The following CLTB variants were observed in gnomAD, a reference collection of about 807,000 sequenced individuals.
CLTB encodes the protein clathrin, light chain (Lcb).
CLTB carries 10 observed loss-of-function variants against 30.5 expected under a neutral mutation model. That is an observed-to-expected ratio of 0.33 (90% CI 0.20 to 0.56). CLTB has a LOEUF of 0.56. Among genes scored for constraint, CLTB ranks in the 20% least tolerant of loss-of-function variants. The pLI is 0.91. For missense variants in CLTB, 261 were observed against 308.3 expected (o/e 0.85, Z 1.15); for synonymous variants, 102 against 120.3 (o/e 0.85, Z 1.00).
chr5:176,410,141 G>A, intron 2 of CLTB, 116 bp downstream of exon 2: 1 of 877,672 alleles, frequency 1.1e-6, no homozygotes, highest in East Asian at 2.5e-5. Flanking sequence ...CCACCCCAAT[G>A]CATCAGACAT....
chr5:176,396,030 G>A (rs1756505561), intron 5 of CLTB, among the ~76,000 whole-genome samples: 1 of 152,162 alleles, frequency 6.6e-6, no homozygotes. Flanking sequence ...AGCTACTCGG[G>A]AGGCTGAGGC....
rs752628391 is a variant in CLTB, at chr5:176,405,334, TA to T, written c.234+4922del. ...CGAGACCACATCTCCATAAAAAAAT[TA>T]AAAAATTAGCCAGGCATGGTGGCCC... On this transcript the variant is annotated intron_variant, in intron 2 of 5. Coordinates refer to ENST00000310418, the MANE Select transcript of CLTB (RefSeq NM_007097.5). 8.0e-5 allele frequency among the ~76,000 whole-genome samples: 12 copies of T among 150,700 alleles called. No individual in the cohort carries two copies. The East Asian group carries it at 1.8e-3, about 22-fold the overall frequency.
chr5:176,399,092 C>T (rs1405959515), intron 2 of CLTB, among the ~76,000 whole-genome samples: 1 of 152,140 alleles, frequency 6.6e-6, no homozygotes, highest in Non-Finnish European at 1.5e-5. Context: ...GATCCACCGG[C>T]CTCGGCCTCC....
rs1756782457 is a variant in CLTB, at chr5:176,400,855, CA to C, written c.235-2809del. Among the ~76,000 whole-genome samples, 2 of 152,318 alleles carry C rather than the reference CA, an allele frequency of 1.3e-5. 1 individual carries two copies. Among genetic ancestry groups the C allele is most frequent in the African/African-American group, 4.8e-5 (2 of 41,564 alleles). ...GCTCAGTAAGCAGTGGCTGAATGAG[CA>C]AAGACCCCTGGAGCCAGCAGGCACC... On this transcript the variant is annotated intron_variant, in intron 2 of 5. Transcript: ENST00000310418.
Position 176,392,991 on chromosome 5 carries a change from C to A in CLTB, c.519-46G>T. On this transcript the variant is annotated intron_variant, in intron 5 of 5. Coordinates refer to ENST00000310418, the MANE Select transcript of CLTB (RefSeq NM_007097.5). The surrounding 1 kb of genome is among the most constrained non-coding windows in gnomAD (Gnocchi z 5.2). ...GGCTTTTATAGCAGTCTGCTTTCCC[C>A]CAGCCTTGCCCTTGAGCAAGGCTGC... is the stretch of plus-strand genomic sequence containing the variant. 2 of 1,609,038 alleles carry A rather than the reference C, an allele frequency of 1.2e-6. No homozygotes were observed. The highest frequency in any genetic ancestry group is 2.2e-5 in the South Asian group (2 of 90,906).
intron 1 of CLTB, among the ~76,000 whole-genome samples, chr5:176,411,495 C>T (rs1313376095): frequency 6.6e-6 from 1 of 152,186 alleles, no homozygotes; most frequent in Non-Finnish European, 1.5e-5. Flanking sequence ...TAAAGGCCTC[C>T]CTGACCACAC....
intron 2 of CLTB, among the ~76,000 whole-genome samples, chr5:176,404,878 C>A (rs1757028811): frequency 6.6e-6 from 1 of 152,226 alleles, no homozygotes; most frequent in African/African-American, 2.4e-5. Flanking sequence ...CCTCAGAACC[C>A]CCTGCCAGTG....
chr5:176,410,188 A>G (rs1757354781), intron 2 of CLTB, 69 bp downstream of exon 2: 1 of 1,332,864 alleles, frequency 7.5e-7, no homozygotes, highest in South Asian at 1.2e-5. Flanking sequence ...AGCCTACAAC[A>G]ATGAGGCTTT....
At chr5:176,402,798 G>A (rs189967738) in intron 2 of CLTB, among the ~76,000 whole-genome samples, 39 of 152,294 alleles carry the variant, frequency 2.6e-4, no homozygotes, top group Non-Finnish European at 4.7e-4. Flanking sequence ...CTGGAACACA[G>A]TTCAGATAAA....
rs933617245 is a variant in CLTB at position 176,416,411 on chromosome 5, C to T, written c.-48G>A. 2.0e-6 allele frequency: 3 copies of T among 1,464,868 alleles called. No homozygotes were observed. Among genetic ancestry groups the T allele is most frequent in the Non-Finnish European group, 2.7e-6 (3 of 1,110,486 alleles). 90.7% of individuals were successfully genotyped at this position (1,464,868 alleles called of 1,614,324 possible). ...CCTCCGCTGCGCTCGGCTCTGCCCG[C>T]GCCTGCCCCGCGCTGCGTCCGGCGG... On this transcript the variant is annotated 5_prime_UTR_variant, in exon 1 of 6. Coordinates refer to ENST00000310418, the MANE Select transcript of CLTB (RefSeq NM_007097.5).
Position 176,416,206 on chromosome 5 carries a change from G to T in CLTB, c.158C>A (p.Ala53Asp). The change falls in exon 1 of 6, where the codon GCC becomes GAC. Residue 53 changes from alanine (A) to aspartate (D), a missense_variant. By Grantham distance (126) the Ala-to-Asp change is moderately radical. This residue lies in a region of CLTB where 113 missense variants were observed against 102.5 expected (regional missense o/e 1.10). Transcript: ENST00000310418. ...ACTCGTGGGGCCCGGCTGCGCGGGG[G>T]CCGCATGGCTGCCGGCAGGTGCCCC... ...GFGAPAGSHA[A>D]PAQPGPTSGA... The T allele has an allele frequency of 6.3e-7, 1 of 1,592,972 alleles. No homozygotes were observed.
Position 176,392,680 on chromosome 5 carries a change from A to G in CLTB, c.*94T>C, listed in dbSNP as rs1036351201. 3.5e-6 allele frequency: 5 copies of G among 1,416,880 alleles called. No homozygotes were observed. Among genetic ancestry groups the G allele is most frequent in the East Asian group, 4.6e-5 (2 of 43,574 alleles). 87.8% of individuals were successfully genotyped at this position (1,416,880 alleles called of 1,614,324 possible). A position where few individuals can be genotyped will look rare whatever the true frequency, so the allele number is the denominator to read the frequency against. ...GGGAGGAGTGGAATAGGCTGTGGGT[A>G]GCAGCTGCTGCGAGTCTCCACCCCG... On this transcript the variant is annotated 3_prime_UTR_variant, in exon 6 of 6. Transcript: ENST00000310418. The surrounding 1 kb of genome is among the most constrained non-coding windows in gnomAD (Gnocchi z 5.2).
chr5:176,416,497 G>T lies in CLTB; in HGVS notation c.-134C>A. The T allele has an allele frequency of 4.3e-6, 3 of 694,088 alleles. No individual in the cohort carries two copies. Among genetic ancestry groups the T allele is most frequent in the Non-Finnish European group, 5.9e-6 (3 of 506,330 alleles). 43.0% of individuals were successfully genotyped at this position (694,088 alleles called of 1,614,324 possible). A position where few individuals can be genotyped will look rare whatever the true frequency, so the allele number is the denominator to read the frequency against. On this transcript the variant is annotated 5_prime_UTR_variant, in exon 1 of 6. Transcript: ENST00000310418. ...CGTCGGCGGGGACGGGCTTGGCGCG[G>T]ACCGCACTTCCTCTCCGCCACCGGG...
intron 2 of CLTB, chr5:176,406,420 C>T (rs1043321040): frequency 2.8e-5 from 33 of 1,161,298 alleles, no homozygotes; most frequent in African/African-American, 1.8e-4. Flanking sequence ...GCGTGTGCTG[C>T]GACTCCAGGG....
At chr5:176,412,395 G>A (rs531666166) in intron 1 of CLTB, among the ~76,000 whole-genome samples, 167 of 152,216 alleles carry the variant, frequency 1.1e-3, no homozygotes, top group African/African-American at 3.8e-3. Flanking sequence ...CCCCTTACCA[G>A]GCTCCGTGTC....
chr5:176,392,605 G>T lies in CLTB; in HGVS notation c.*169C>A, dbSNP rs1484856547. The T allele has an allele frequency of 7.5e-6, 5 of 670,798 alleles. No individual in the cohort carries two copies. The African/African-American group carries it at 9.0e-5, about 12-fold the overall frequency. The allele number at this position is 670,798 out of a possible 1,614,324, so 41.6% of individuals were successfully genotyped here. On this transcript the variant is annotated 3_prime_UTR_variant, in exon 6 of 6. Transcript: ENST00000310418. This position sits in a 1 kb window ranked among gnomAD's most constrained non-coding sequence, Gnocchi z 5.2. ...GAGGGGCTGGACCAGAGGGCCAGGAGGGAGCGAGGCGTGATGGGGTGAGGG... is the reference window on the plus strand; with the variant it reads ...GAGGGGCTGGACCAGAGGGCCAGGATGGAGCGAGGCGTGATGGGGTGAGGG...
chr5:176,408,552 A>C (rs532872361), intron 2 of CLTB, among the ~76,000 whole-genome samples: 8 of 152,100 alleles, frequency 5.3e-5, no homozygotes, highest in African/African-American at 1.9e-4. Context: ...AAAAAAAAAA[A>C]AAAGACTCAC....
chr5:176,408,813 C>T (rs1299262283), intron 2 of CLTB, among the ~76,000 whole-genome samples: 2 of 152,202 alleles, frequency 1.3e-5, no homozygotes, highest in Non-Finnish European at 2.9e-5. Context: ...AGCCGCCGTG[C>T]CCGGCTGGGT....
intron 2 of CLTB, chr5:176,401,684 T>C (rs1338409566): frequency 8.8e-6 from 4 of 455,656 alleles, no homozygotes; most frequent in Non-Finnish European, 1.3e-5. Flanking sequence ...CTCGCTCGCC[T>C]TGTGTTGCAC....
Sources: allele counts gnomAD v4.1 joint callset (sites outside exome capture counted in the v4.1 genomes callset), GRCh38; gene constraint gnomAD v4.1.1; regional missense constraint gnomAD v4.1.1; non-coding constraint Gnocchi (gnomAD v3.1); transcripts MANE v1.5; gene names NCBI Gene and HGNC (gene_info 2026-07-23, HGNC 2026-07-21).